The following TENM1 variants were observed in gnomAD, a reference collection of about 807,000 sequenced individuals.
TENM1 encodes the protein teneurin-1.
A neutral mutation model predicts 174.8 loss-of-function variants in TENM1; 35 were observed. That is an observed-to-expected ratio of 0.20 (90% confidence interval 0.15 to 0.27). TENM1 has a LOEUF of 0.27. Ranked by LOEUF, TENM1 falls within the 10% of genes least tolerant of loss-of-function variation. The pLI, the probability that TENM1 is intolerant of heterozygous loss-of-function variation, is 1.00. For missense variants in TENM1, 1,633 were observed against 2,130.1 expected, an observed-to-expected ratio of 0.77 and a Z score of 4.59; for synonymous variants, 781 against 798.7, an observed-to-expected ratio of 0.98 and a Z score of 0.37.
chrX:125,102,385 G>A, the TENM1 span, among the ~76,000 whole-genome samples: 9 of 65,310 alleles, frequency 1.4e-4, no homozygotes, highest in Admixed American at 2.0e-4. Context: ...CTGCTTGCCT[G>A]CCCAATAAAG....
chrX:124,597,785 C>T (rs1403825190), intron 11 of TENM1, among the ~76,000 whole-genome samples: 1 of 111,314 alleles, frequency 9.0e-6, no homozygotes, highest in Non-Finnish European at 1.9e-5. Context: ...TACTACAAGA[C>T]ATAATTGGGG....
intron 1 of TENM1, among the ~76,000 whole-genome samples, chrX:124,920,911 A>G (rs1403392428): frequency 9.6e-6 from 1 of 104,527 alleles, no homozygotes; most frequent in Non-Finnish European, 2.0e-5. Flanking sequence ...CAATTTTTAC[A>G]TTATCAAATC....
intron 3 of TENM1, among the ~76,000 whole-genome samples, chrX:124,874,416 T>C (rs1352602193): frequency 9.0e-6 from 1 of 110,731 alleles, no homozygotes; most frequent in Non-Finnish European, 1.9e-5. Flanking sequence ...CTATGGCATA[T>C]ATCAATTTTT....
intron 11 of TENM1, among the ~76,000 whole-genome samples, chrX:124,603,621 C>A (rs761463636): frequency 8.9e-6 from 1 of 111,886 alleles, no homozygotes; most frequent in African/African-American, 3.2e-5. Flanking sequence ...CACTAAACTG[C>A]TTTCAGAAGT....
intron 27 of TENM1, among the ~76,000 whole-genome samples, chrX:124,396,328 G>GTTTTTTT (rs2060333547): frequency 2.6e-5 from 1 of 38,401 alleles, no homozygotes; most frequent in African/African-American, 1.6e-4. Flanking sequence ...TCGAGCCGGA[G>GTTTTTTT]TTTTGCTCTT....
intron 3 of TENM1, among the ~76,000 whole-genome samples, chrX:124,837,790 T>G (rs1293823503): frequency 9.0e-6 from 1 of 111,354 alleles, no homozygotes; most frequent in African/African-American, 3.3e-5. Flanking sequence ...TAATTCTAGG[T>G]TAGACAGAAA....
intron 4 of TENM1, among the ~76,000 whole-genome samples, chrX:124,722,332 C>T (rs1284909759): frequency 4.5e-5 from 5 of 111,313 alleles, no homozygotes; most frequent in South Asian, 7.6e-4. Context: ...AACAAGGGAC[C>T]GCCTAGTGTT....
the TENM1 span, among the ~76,000 whole-genome samples, chrX:125,035,399 T>G: frequency 9.0e-6 from 1 of 111,695 alleles, no homozygotes; most frequent in Non-Finnish European, 1.9e-5. Flanking sequence ...ATTTGCAATT[T>G]TGACTATTCA....
At chrX:124,774,759 A>T (rs1018717568) in intron 3 of TENM1, among the ~76,000 whole-genome samples, 1 of 111,497 alleles carries the variant, frequency 9.0e-6, no homozygotes, top group Non-Finnish European at 1.9e-5. Flanking sequence ...TACAAGATGG[A>T]GGACCCCTAT....
rs913753359 is a variant in TENM1 at position 124,728,349 on chromosome X, C to T, written c.776+8608G>A. The stretch of plus-strand genomic sequence containing the variant: ...TCTCATTAGTACTAGAAAGAACATG[C>T]TTGCTCACAGAGTGGCCAACCTGGT... On this transcript the variant is annotated intron_variant, in intron 4 of 31. Transcript: ENST00000422452. 3.6e-5 allele frequency among the ~76,000 whole-genome samples: 4 copies of T among 111,666 alleles called. No homozygotes were observed. The East Asian group carries it at 1.1e-3, about 31-fold the overall frequency.
At chrX:125,005,858 C>T in the TENM1 span, among the ~76,000 whole-genome samples, 5 of 111,672 alleles carry the variant, frequency 4.5e-5, no homozygotes, top group South Asian at 3.8e-4. Flanking sequence ...ACTTTTCCCA[C>T]GGATTTTTGC....
At chrX:125,200,654 T>TGAGAGAGAGAGAGAGA in the TENM1 span, among the ~76,000 whole-genome samples, 4 of 92,424 alleles carry the variant, frequency 4.3e-5, no homozygotes, top group African/African-American at 1.7e-4. Context: ...TGTGTGTGTG[T>TGAGAGAGAGAGAGAGA]GAGAGAGAGA....
At chrX:124,962,228 T>C (rs1238272466) in intron 1 of TENM1, among the ~76,000 whole-genome samples, 1 of 111,757 alleles carries the variant, frequency 8.9e-6, no homozygotes, top group African/African-American at 3.3e-5. Context: ...AAGATAAATA[T>C]TTGAAGGTCA....
intron 18 of TENM1, among the ~76,000 whole-genome samples, chrX:124,511,976 C>T (rs1467908586): frequency 1.8e-5 from 2 of 111,966 alleles, no homozygotes; most frequent in African/African-American, 6.5e-5. Flanking sequence ...AATAATTATG[C>T]AATTGTTGTT....
intron 8 of TENM1, among the ~76,000 whole-genome samples, chrX:124,649,939 T>C (rs1387935147): frequency 1.3e-4 from 14 of 110,828 alleles, no homozygotes; most frequent in African/African-American, 4.6e-4. Flanking sequence ...TGGTGGCTCA[T>C]GCCTGTAATC....
At chrX:124,749,578 G>A (rs775395531) in intron 3 of TENM1, among the ~76,000 whole-genome samples, 1 of 112,394 alleles carries the variant, frequency 8.9e-6, no homozygotes, top group East Asian at 2.8e-4. Context: ...CCCCATGAGG[G>A]AAGGAGTTGT....
At chrX:124,979,670 G>C in the TENM1 span, among the ~76,000 whole-genome samples, 2 of 110,891 alleles carry the variant, frequency 1.8e-5, no homozygotes, top group Non-Finnish European at 1.9e-5. Context: ...TGGAGATGGA[G>C]AAACATATCA....
rs985144353 is a variant in TENM1 at position 124,716,714 on chromosome X, G to A, written c.777-11463C>T. Among the ~76,000 whole-genome samples, 48 of 111,867 alleles carry A rather than the reference G, an allele frequency of 4.3e-4. 1 individual carries two copies. The highest frequency in any genetic ancestry group is 2.3e-4 in the Non-Finnish European group (12 of 53,208). ...CAAGGAGAAGCAACTTCCTGGACAT[G>A]CACATCAAGAGACAAAAATAGCGAA... On this transcript the variant is annotated intron_variant, in intron 4 of 31. Coordinates refer to ENST00000422452, the Ensembl canonical transcript of TENM1.
chrX:124,966,643 C>G (rs1253569328), upstream of TENM1, among the ~76,000 whole-genome samples: 2 of 101,850 alleles, frequency 2.0e-5, no homozygotes, highest in Non-Finnish European at 3.9e-5. Context: ...GCCTGGGCGA[C>G]AGAGCGAGAC....
Sources: gnomAD v4.1 joint callset for allele counts (sites outside exome capture counted in the v4.1 genomes callset) on GRCh38, gnomAD v4.1.1 for gene constraint, MANE v1.5 for transcripts, NCBI Gene and HGNC (gene_info 2026-07-23, HGNC 2026-07-21) for gene names.